The following RPS12 variants were observed in gnomAD, a reference collection of about 807,000 sequenced individuals.
RPS12 encodes ribosomal protein S12.
In RPS12, 1 loss-of-function variant was observed where a neutral mutation model predicts 17.2. The observed-to-expected ratio is 0.06, with a 90% CI of 0.02 to 0.28. The LOEUF (loss-of-function observed/expected upper bound fraction) is 0.28, where lower values mean the gene tolerates loss of function less well. Among genes scored for constraint, RPS12 ranks in the 10% least tolerant of loss-of-function variants. RPS12 has a pLI of 1.00. For missense variants in RPS12, 146 were observed against 162.1 expected, an observed-to-expected ratio of 0.90 and a Z score of 0.54; for synonymous variants, 67 against 54.0, an observed-to-expected ratio of 1.24 and a Z score of -1.06.
In RPS12 at chr6:132,815,092, C is replaced by A; in HGVS notation, c.131+4C>A. On this transcript the variant is annotated splice_donor_region_variant and intron_variant, in intron 3 of 5. Coordinates refer to ENST00000230050, the MANE Select transcript of RPS12 (RefSeq NM_001016.4). ...AAGCTGCCAAAGCCTTAGACAAGTA[C>A]GTGTATCAGTCTCAATACTGTGGGT... 1.9e-6 allele frequency: 3 copies of A among 1,574,600 alleles called. No individual in the cohort carries two copies. Among genetic ancestry groups the A allele is most frequent in the African/African-American group, 1.3e-5 (1 of 74,222 alleles).
chr6:132,816,393 C>G (rs1368603910), intron 3 of RPS12, 68 bp from the exon 4 acceptor site: 2 of 1,238,806 alleles, frequency 1.6e-6, no homozygotes, highest in African/African-American at 2.9e-5. Flanking sequence ...GATAACCCTC[C>G]TAAAATGCAA....
chr6:132,816,614 A>G (rs995552836), intron 4 of RPS12, 51 bp downstream of exon 4: 7 of 1,202,610 alleles, frequency 5.8e-6, no homozygotes, highest in Admixed American at 1.7e-5. Context: ...ATGCTTGTAT[A>G]TGGGGGTAAA....
chr6:132,817,429 A>G (rs946070514), intron 5 of RPS12, 51 bp from the exon 6 acceptor site: 11 of 1,203,526 alleles, frequency 9.1e-6, no homozygotes, highest in Non-Finnish European at 1.2e-5. Flanking sequence ...TAGCTTGGTG[A>G]AATTCCTAAA....
At chr6:132,814,839 T>A in intron 2 of RPS12, 57 bp downstream of exon 2, 1 of 1,528,734 alleles carries the variant, frequency 6.5e-7, no homozygotes, top group East Asian at 2.2e-5. Context: ...GGCGTGGGGC[T>A]AGAGCTGGCG....
rs1782080610 is a variant in RPS12, at chr6:132,817,114, A to G, written c.336+53A>G. ...AGGTTATGCTGGGTAATCATATAAAACCTTGTATTGAAATAAGTTGAGGAT... is the reference window on the plus strand; with the variant it reads ...AGGTTATGCTGGGTAATCATATAAAGCCTTGTATTGAAATAAGTTGAGGAT... On this transcript the variant is annotated intron_variant, in intron 5 of 5. Transcript: ENST00000230050. The G allele has an allele frequency of 2.8e-6, 3 of 1,080,640 alleles. No homozygotes were observed. The African/African-American group carries it at 4.7e-5, about 17-fold the overall frequency. The allele number at this position is 1,080,640 out of a possible 1,614,324, so 66.9% of individuals were successfully genotyped here. A position where few individuals can be genotyped will look rare whatever the true frequency, so the allele number is the denominator to read the frequency against.
chr6:132,815,650 T>C (rs1273711094), intron 3 of RPS12: 2 of 456,736 alleles, frequency 4.4e-6, no homozygotes, highest in Admixed American at 4.7e-5. Flanking sequence ...TGAGCTGAAT[T>C]TAAATGCAGT....
At chr6:132,815,936 C>G (rs1362612575) in intron 3 of RPS12, 1 of 453,062 alleles carries the variant, frequency 2.2e-6, no homozygotes, top group Admixed American at 2.4e-5. Flanking sequence ...CTACCAGGTT[C>G]AAGCGATTCT....
At chr6:132,815,203 C>T (rs1423569452) in intron 3 of RPS12, 115 bp downstream of exon 3, 4 of 765,792 alleles carry the variant, frequency 5.2e-6, no homozygotes, top group Non-Finnish European at 9.5e-6. Context: ...TGGCATCCGT[C>T]CTACCGGAAA....
intron 1 of RPS12, 21 bp from the exon 2 acceptor site, chr6:132,814,711 G>C: frequency 6.3e-7 from 1 of 1,596,786 alleles, no homozygotes; most frequent in Non-Finnish European, 8.6e-7. Context: ...TCTTTAACAA[G>C]TCAATGCTTT....
chr6:132,817,438 AATATTAAC>A, intron 5 of RPS12, 34 bp from the exon 6 acceptor site: 1 of 1,296,002 alleles, frequency 7.7e-7, no homozygotes, highest in African/African-American at 1.5e-5. Flanking sequence ...GAAATTCCTA[AATATTAAC>A]AAGAAATTGC....
chr6:132,815,286 A>G (rs1432963634), intron 3 of RPS12, 198 bp downstream of exon 3: 1 of 741,010 alleles, frequency 1.3e-6, no homozygotes. Context: ...TGGAATGGGG[A>G]TAAGCACTCA....
intron 3 of RPS12, 148 bp downstream of exon 3, chr6:132,815,236 C>T (rs767069028): frequency 6.7e-6 from 5 of 747,182 alleles, no homozygotes; most frequent in South Asian, 1.4e-5. Context: ...TATCAGAACT[C>T]AGATCTATAA....
chr6:132,816,042 C>G, intron 3 of RPS12: 1 of 403,178 alleles, frequency 2.5e-6, no homozygotes, highest in Non-Finnish European at 5.0e-6. Flanking sequence ...ATGTTGGTCT[C>G]TGGCTGGTCT....
intron 3 of RPS12, chr6:132,815,760 G>A (rs763691396): frequency 4.4e-6 from 2 of 456,254 alleles, no homozygotes; most frequent in African/African-American, 2.0e-5. Flanking sequence ...GTCCTAGTAT[G>A]AGTCTTCTGT....
chr6:132,815,119 C>G, intron 3 of RPS12, 31 bp downstream of exon 3: 3 of 1,399,578 alleles, frequency 2.1e-6, no homozygotes, highest in Non-Finnish European at 3.0e-6. Context: ...ACTGTGGGTT[C>G]TTGCAACCGG....
At chr6:132,814,919 G>T (rs765228480) in intron 2 of RPS12, 53 bp from the exon 3 acceptor site, 10 of 1,413,160 alleles carry the variant, frequency 7.1e-6, no homozygotes, top group Non-Finnish European at 1.0e-5. Context: ...TGAGTGCAAG[G>T]CCTTATGTGG....
chr6:132,815,264 T>G, intron 3 of RPS12, 176 bp downstream of exon 3: 1 of 747,872 alleles, frequency 1.3e-6, no homozygotes, highest in Non-Finnish European at 2.5e-6. Context: ...TTAAAATGTG[T>G]GGGTTGCTGT....
At chr6:132,816,761 A>T (rs768874234) in intron 4 of RPS12, 198 bp downstream of exon 4, 4 of 768,624 alleles carry the variant, frequency 5.2e-6, no homozygotes, top group Non-Finnish European at 7.1e-6. Flanking sequence ...TGACGTTGGT[A>T]TACAACAAAG....
intron 3 of RPS12, 146 bp from the exon 4 acceptor site, chr6:132,816,315 A>G (rs895111287): frequency 3.2e-6 from 2 of 629,186 alleles, no homozygotes; most frequent in Non-Finnish European, 5.6e-6. Flanking sequence ...CTTCAGACTC[A>G]AGCAATTTTG....
Sources: allele counts gnomAD v4.1 joint callset, GRCh38; gene constraint gnomAD v4.1.1; transcripts MANE v1.5; gene names NCBI Gene and HGNC (gene_info 2026-07-23, HGNC 2026-07-21).